The following PREP variants were observed in gnomAD, a reference collection of about 807,000 sequenced individuals.
PREP encodes the protein prolyl endopeptidase, also known as dJ355L5.1 (prolyl endopeptidase).
A neutral mutation model predicts 87.6 loss-of-function variants in PREP; 29 were observed. The ratio of observed to expected loss-of-function variants is 0.33; its 90% confidence interval spans 0.25 to 0.45. PREP has a LOEUF of 0.45. Among genes scored for constraint, PREP ranks in the 20% least tolerant of loss-of-function variants. The pLI is 1.00. For missense variants in PREP, 695 were observed against 886.5 expected, an observed-to-expected ratio of 0.78 and a Z score of 2.74; for synonymous variants, 337 against 328.6, an observed-to-expected ratio of 1.03 and a Z score of -0.28.
chr6:105,397,332 T>C (rs1430556814), intron 2 of PREP, among the ~76,000 whole-genome samples: 1 of 139,898 alleles, frequency 7.1e-6, no homozygotes, highest in Admixed American at 6.7e-5. Flanking sequence ...TCCAAAAGAA[T>C]ATGAAAGCTT....
chr6:105,354,251 A>T (rs1277145466), intron 6 of PREP, among the ~76,000 whole-genome samples: 1 of 152,176 alleles, frequency 6.6e-6, no homozygotes, highest in East Asian at 1.9e-4. Flanking sequence ...TCTTTAGAAA[A>T]TTTCTTGAAC....
At chr6:105,358,956 T>C (rs1772173123) in intron 6 of PREP, among the ~76,000 whole-genome samples, 1 of 152,080 alleles carries the variant, frequency 6.6e-6, no homozygotes, top group East Asian at 1.9e-4. Context: ...TGTGCCCAGG[T>C]GGATGAGGTT....
chr6:105,328,425 T>C (rs1215133301), intron 9 of PREP, among the ~76,000 whole-genome samples: 2 of 152,062 alleles, frequency 1.3e-5, no homozygotes, highest in African/African-American at 4.8e-5. Flanking sequence ...GCCCAGCTAA[T>C]TTTTGTATTT....
At chr6:105,365,330 T>G (rs1358569875) in intron 6 of PREP, among the ~76,000 whole-genome samples, 1 of 152,226 alleles carries the variant, frequency 6.6e-6, no homozygotes, top group Non-Finnish European at 1.5e-5. Context: ...AGAGCTAATG[T>G]GTCCACCAGC....
At chr6:105,321,905 G>A (rs1771020745) in intron 10 of PREP, among the ~76,000 whole-genome samples, 3 of 152,160 alleles carry the variant, frequency 2.0e-5, no homozygotes, top group Admixed American at 2.0e-4. Flanking sequence ...GGGCAGCTGA[G>A]AGTGTGCTCT....
At chr6:105,336,482 T>C (rs761453560) in intron 7 of PREP, among the ~76,000 whole-genome samples, 1 of 152,236 alleles carries the variant, frequency 6.6e-6, no homozygotes, top group African/African-American at 2.4e-5. Flanking sequence ...TTTTTGCTCA[T>C]ATTTCTATTA....
rs185660960 is a variant in PREP, at chr6:105,342,595, C to A, written c.824-9090G>T. 5.9e-5 allele frequency among the ~76,000 whole-genome samples: 9 copies of A among 152,286 alleles called. No homozygotes were observed. The East Asian group carries it at 1.7e-3, about 29-fold the overall frequency. ...TTAGGAAAAGAGAAAGTCAAAATATCCCTGTTTGCAGATGACACGATTGTA... is the reference window on the plus strand; with the variant it reads ...TTAGGAAAAGAGAAAGTCAAAATATACCTGTTTGCAGATGACACGATTGTA... On this transcript the variant is annotated intron_variant, in intron 7 of 14. Coordinates refer to ENST00000652536, the MANE Select transcript of PREP (RefSeq NM_002726.5).
At chr6:105,397,963 C>T in intron 1 of PREP, 36 bp from the exon 2 acceptor site, 1 of 1,437,456 alleles carries the variant, frequency 7.0e-7, no homozygotes, top group South Asian at 1.2e-5. Context: ...GATAATTACT[C>T]TCTAACCCCA....
intron 6 of PREP, among the ~76,000 whole-genome samples, chr6:105,353,771 CAAAAAA>C (rs397824826): frequency 2.8e-5 from 2 of 71,076 alleles, no homozygotes; most frequent in South Asian, 9.8e-4. Context: ...GACTCCATCT[CAAAAAA>C]AAAAAAAAAA....
At chr6:105,344,138 T>C (rs1408979892) in intron 7 of PREP, among the ~76,000 whole-genome samples, 1 of 152,172 alleles carries the variant, frequency 6.6e-6, no homozygotes, top group Admixed American at 6.5e-5. Context: ...CCATCAATGA[T>C]AGACTGGATT....
chr6:105,343,271 T>C (rs6908865), intron 7 of PREP, among the ~76,000 whole-genome samples: 19,242 of 152,048 alleles, frequency 0.13, 2,051 homozygotes, highest in African/African-American at 0.3. Flanking sequence ...AAACAAGAAA[T>C]GGGGAAAGGA....
chr6:105,347,188 C>G (rs1352633274), intron 7 of PREP, among the ~76,000 whole-genome samples: 2 of 152,122 alleles, frequency 1.3e-5, no homozygotes, highest in African/African-American at 4.8e-5. Context: ...AGAAAGAAAA[C>G]AGAAGAGAGA....
intron 7 of PREP, among the ~76,000 whole-genome samples, chr6:105,349,862 T>A (rs1220869816): frequency 2.1e-5 from 3 of 144,380 alleles, no homozygotes; most frequent in Non-Finnish European, 4.4e-5. Flanking sequence ...TATTCTATTT[T>A]TAGTGTAAAG....
intron 6 of PREP, among the ~76,000 whole-genome samples, chr6:105,366,696 G>A (rs1280985609): frequency 6.6e-6 from 1 of 151,174 alleles, no homozygotes; most frequent in African/African-American, 2.5e-5. Flanking sequence ...CAAGTGCCCA[G>A]GGATGAATGG....
intron 10 of PREP, among the ~76,000 whole-genome samples, chr6:105,317,302 G>A (rs777682647): frequency 6.6e-6 from 1 of 151,974 alleles, no homozygotes; most frequent in East Asian, 1.9e-4. Flanking sequence ...GAGCTATAGC[G>A]AGAATAACTT....
rs150075396 is a variant in PREP, at chr6:105,359,718, G to A, written c.718-6641C>T. Among the ~76,000 whole-genome samples, 99 of 152,224 alleles carry A rather than the reference G, an allele frequency of 6.5e-4. 1 individual carries two copies. The highest frequency in any genetic ancestry group is 2.3e-3 in the African/African-American group (94 of 41,540). On this transcript the variant is annotated intron_variant, in intron 6 of 14. Coordinates refer to ENST00000652536, the MANE Select transcript of PREP (RefSeq NM_002726.5). ...AAGATGGCACCTCTCCCAAGGTCAT[G>A]CATTCTTTTGGGTTCATCCACATAT...
At chr6:105,383,556 C>T (rs1261892112) in intron 2 of PREP, among the ~76,000 whole-genome samples, 1 of 152,186 alleles carries the variant, frequency 6.6e-6, no homozygotes, top group African/African-American at 2.4e-5. Context: ...TCTCTTCTCT[C>T]TGGGACCATC....
intron 4 of PREP, 100 bp from the exon 5 acceptor site, chr6:105,373,678 G>A (rs1772616077): frequency 6.8e-6 from 8 of 1,174,162 alleles, no homozygotes. Context: ...CACGGAGGTA[G>A]AATGTGGCAA....
At chr6:105,326,366 C>T (rs1025495943) in intron 9 of PREP, among the ~76,000 whole-genome samples, 79 of 152,170 alleles carry the variant, frequency 5.2e-4, no homozygotes, top group African/African-American at 1.8e-3. Flanking sequence ...GCACTGTGCT[C>T]TAAGCTGCTA....
Sources: allele counts gnomAD v4.1 joint callset (sites outside exome capture counted in the v4.1 genomes callset), GRCh38; gene constraint gnomAD v4.1.1; transcripts MANE v1.5; gene names NCBI Gene and HGNC (gene_info 2026-07-23, HGNC 2026-07-21).